The following ANKS1B variants were observed in gnomAD, a reference collection of about 807,000 sequenced individuals.
The protein encoded by ANKS1B is ankyrin repeat and sterile alpha motif domain-containing protein 1B.
A neutral mutation model predicts 148.3 loss-of-function variants in ANKS1B; 36 were observed. The ratio of observed to expected loss-of-function variants is 0.24; its 90% CI spans 0.19 to 0.32. ANKS1B has a LOEUF of 0.32. Among genes scored for constraint, ANKS1B ranks in the 10% least tolerant of loss-of-function variants. The probability of loss-of-function intolerance (pLI) is 1.00; values close to 1 mark genes in which losing one functional copy is unlikely to be tolerated. For missense variants in ANKS1B, 1,157 were observed against 1,542.6 expected (o/e 0.75, Z 4.19); for synonymous variants, 542 against 560.8 (o/e 0.97, Z 0.47).
At chr12:98,985,044 G>C (rs2099922478) in intron 17 of ANKS1B, among the ~76,000 whole-genome samples, 1 of 152,136 alleles carries the variant, frequency 6.6e-6, no homozygotes, top group African/African-American at 2.4e-5. Context: ...AAAATGAATG[G>C]AAGTTCTTGT....
At chr12:99,964,433 A>C (rs1431185649) in intron 1 of ANKS1B, among the ~76,000 whole-genome samples, 2 of 152,176 alleles carry the variant, frequency 1.3e-5, no homozygotes, top group African/African-American at 4.8e-5. Context: ...CTCTTCCTGA[A>C]AAATTCAGTT....
intron 4 of ANKS1B, among the ~76,000 whole-genome samples, chr12:99,785,581 C>T (rs895789374): frequency 4.6e-5 from 7 of 152,022 alleles, no homozygotes; most frequent in Non-Finnish European, 8.8e-5. Flanking sequence ...TTAAGGCATG[C>T]GCCACCACGC....
intron 14 of ANKS1B, among the ~76,000 whole-genome samples, chr12:99,196,596 G>T (rs1307796638): frequency 1.4e-5 from 2 of 147,892 alleles, no homozygotes; most frequent in Admixed American, 6.8e-5. Flanking sequence ...GTTTTTTTTT[G>T]TTTGTTTTTG....
At chr12:99,041,647 G>A (rs1232994896) in intron 17 of ANKS1B, among the ~76,000 whole-genome samples, 1 of 151,864 alleles carries the variant, frequency 6.6e-6, no homozygotes, top group Non-Finnish European at 1.5e-5. Flanking sequence ...TTTGAGTGGG[G>A]GCTTACAAAC....
intron 14 of ANKS1B, among the ~76,000 whole-genome samples, chr12:99,236,372 C>T (rs2087930389): frequency 6.6e-6 from 1 of 152,130 alleles, no homozygotes; most frequent in Non-Finnish European, 1.5e-5. Context: ...TTTCGCATGG[C>T]TGAGGAGGCC....
At chr12:99,235,701 T>C (rs1413452601) in intron 14 of ANKS1B, among the ~76,000 whole-genome samples, 1 of 152,198 alleles carries the variant, frequency 6.6e-6, no homozygotes, top group Non-Finnish European at 1.5e-5. Flanking sequence ...ATTTTGAGAA[T>C]TGTTTCTTAA....
intron 8 of ANKS1B, among the ~76,000 whole-genome samples, chr12:99,700,166 C>T (rs1216055199): frequency 1.3e-5 from 2 of 152,084 alleles, no homozygotes; most frequent in African/African-American, 4.8e-5. Context: ...TAAAATTAGT[C>T]ATCTCTCCTC....
chr12:99,465,638 C>T (rs1026734317), intron 10 of ANKS1B, among the ~76,000 whole-genome samples: 1 of 152,056 alleles, frequency 6.6e-6, no homozygotes, highest in Non-Finnish European at 1.5e-5. Flanking sequence ...GAAGGGGTTG[C>T]AATCCTAGTC....
At chr12:98,955,431 G>C (rs1369193751) in intron 17 of ANKS1B, among the ~76,000 whole-genome samples, 1 of 151,946 alleles carries the variant, frequency 6.6e-6, no homozygotes, top group Admixed American at 6.6e-5. Flanking sequence ...GGAGAGATGA[G>C]GTCAGATATT....
intron 1 of ANKS1B, among the ~76,000 whole-genome samples, chr12:99,903,756 A>C (rs7132698): frequency 0.33 from 49,696 of 151,650 alleles, 8,656 homozygotes; most frequent in Middle Eastern, 0.42. Flanking sequence ...GGAGGGGGGG[A>C]GAGGGATAAA....
At chr12:99,664,104 C>T (rs1015581210) in intron 8 of ANKS1B, among the ~76,000 whole-genome samples, 23 of 150,798 alleles carry the variant, frequency 1.5e-4, no homozygotes, top group African/African-American at 5.6e-4. Context: ...GCACAATACG[C>T]AGAAGCTAAT....
At chr12:99,236,203 T>C (rs779228132) in intron 14 of ANKS1B, among the ~76,000 whole-genome samples, 1 of 152,238 alleles carries the variant, frequency 6.6e-6, no homozygotes, top group Non-Finnish European at 1.5e-5. Context: ...ACTGCAAGGA[T>C]AATACTATTG....
At chr12:99,427,709 G>A (rs2095287078) in intron 11 of ANKS1B, among the ~76,000 whole-genome samples, 1 of 152,200 alleles carries the variant, frequency 6.6e-6, no homozygotes, top group South Asian at 2.1e-4. Flanking sequence ...CTATGATGAA[G>A]CCTGGTAAAT....
intron 1 of ANKS1B, among the ~76,000 whole-genome samples, chr12:99,896,148 C>T (rs2093375766): frequency 6.6e-6 from 1 of 151,122 alleles, no homozygotes; most frequent in Non-Finnish European, 1.5e-5. Flanking sequence ...ATATTATTAA[C>T]TACAGTCCTC....
At chr12:99,638,817 A>T (rs1473468449) in intron 9 of ANKS1B, among the ~76,000 whole-genome samples, 2 of 152,170 alleles carry the variant, frequency 1.3e-5, no homozygotes, top group African/African-American at 4.8e-5. Flanking sequence ...AGCTGGGTCC[A>T]GGGTCCCCCG....
chr12:99,581,699 G>T (rs931291974), intron 9 of ANKS1B, among the ~76,000 whole-genome samples: 4 of 151,432 alleles, frequency 2.6e-5, no homozygotes, highest in Non-Finnish European at 5.9e-5. Context: ...GACCATCCTG[G>T]CTAACAAGGT....
chr12:99,208,253 C>T (rs1032628588), intron 14 of ANKS1B, among the ~76,000 whole-genome samples: 1 of 152,032 alleles, frequency 6.6e-6, no homozygotes, highest in African/African-American at 2.4e-5. Context: ...AACTAGGTAA[C>T]TTACTGTATT....
At chr12:98,753,732 G>C (rs182032868) in intron 25 of ANKS1B, among the ~76,000 whole-genome samples, 73 of 152,262 alleles carry the variant, frequency 4.8e-4, no homozygotes, top group Non-Finnish European at 2.4e-4. Flanking sequence ...GACCATCCAA[G>C]TTTTCATTCT....
intron 24 of ANKS1B, among the ~76,000 whole-genome samples, chr12:98,774,358 GT>G (rs913172189): frequency 2.6e-5 from 4 of 152,182 alleles, no homozygotes; most frequent in Non-Finnish European, 4.4e-5. Context: ...CAAGAATTGA[GT>G]TATTTCTTCT....
Sources: gnomAD v4.1 joint callset for allele counts (sites outside exome capture counted in the v4.1 genomes callset) on GRCh38, gnomAD v4.1.1 for gene constraint, MANE v1.5 for transcripts, NCBI Gene and HGNC (gene_info 2026-07-23, HGNC 2026-07-21) for gene names.